The following MYO3B variants were observed in gnomAD, a reference collection of about 807,000 sequenced individuals.
MYO3B encodes the protein myosin IIIB.
MYO3B carries 156 observed loss-of-function variants against 174.6 expected under a neutral mutation model. The observed-to-expected ratio is 0.89, with a 90% CI of 0.78 to 1.02. MYO3B has a LOEUF of 1.02. Among genes scored for constraint, MYO3B ranks in the 50% least tolerant of loss-of-function variants. The pLI is 0.00. For missense variants in MYO3B, 1,632 were observed against 1,639.4 expected, an observed-to-expected ratio of 1.00 and a Z score of 0.08; for synonymous variants, 563 against 569.1, an observed-to-expected ratio of 0.99 and a Z score of 0.15.
In MYO3B at chr2:170,645,468, C is replaced by CAA. The variant is rs55720994; in HGVS notation, c.3734-6138_3734-6137dup. ...TGGGTGACAGAGCAAGGCTCCGTCT[C>CAA]AAAAAAAAAAAAAAAAAAAAAAAGT... On this transcript the variant is annotated intron_variant, in intron 32 of 34. Transcript: ENST00000408978. 3.2e-3 allele frequency among the ~76,000 whole-genome samples: 206 copies of CAA among 64,868 alleles called. 1 individual carries two copies. Among genetic ancestry groups the CAA allele is most frequent in the Non-Finnish European group, 4.1e-3 (136 of 32,888 alleles). 42.6% of individuals were successfully genotyped at this position (64,868 alleles called of 152,430 possible).
intron 9 of MYO3B, among the ~76,000 whole-genome samples, chr2:170,376,019 A>G (rs2094290151): frequency 1.3e-5 from 2 of 152,202 alleles, no homozygotes; most frequent in Admixed American, 6.5e-5. Flanking sequence ...GAAGTTGGGT[A>G]TATCAAATAC....
At chr2:170,462,195 G>T (rs2105955951) in intron 23 of MYO3B, among the ~76,000 whole-genome samples, 1 of 152,230 alleles carries the variant, frequency 6.6e-6, no homozygotes, top group African/African-American at 2.4e-5. Flanking sequence ...TTATATCATT[G>T]TTTCAGCTGC....
chr2:170,611,867 C>T (rs996320471), intron 32 of MYO3B, among the ~76,000 whole-genome samples: 27 of 152,258 alleles, frequency 1.8e-4, no homozygotes, highest in African/African-American at 5.8e-4. Context: ...GTTTTTCCTC[C>T]TGTGTGGACC....
At chr2:170,191,417 CT>C (rs2092538841) in intron 1 of MYO3B, among the ~76,000 whole-genome samples, 1 of 152,052 alleles carries the variant, frequency 6.6e-6, no homozygotes, top group Admixed American at 6.6e-5. Context: ...GAATTGCAGT[CT>C]TTGTGGCCTA....
chr2:170,222,620 T>C (rs751450541), intron 6 of MYO3B, among the ~76,000 whole-genome samples: 48 of 152,306 alleles, frequency 3.2e-4, no homozygotes, highest in Non-Finnish European at 6.2e-4. Flanking sequence ...TGACTTCTTA[T>C]AAGAACACCA....
rs536403259 is a variant in MYO3B, at chr2:170,527,612, C to T, written c.3575+8072C>T. Among the ~76,000 whole-genome samples the T allele has an allele frequency of 2.6e-5, 4 of 152,302 alleles. No homozygotes were observed. The South Asian group carries it at 8.3e-4, about 32-fold the overall frequency. ...GAGTTTGATTCTCTCCCGCTGTCTG[C>T]AGAGCACCATCTAGGTAGAGGAAAC... On this transcript the variant is annotated intron_variant, in intron 30 of 34. Transcript: ENST00000408978.
intron 7 of MYO3B, among the ~76,000 whole-genome samples, chr2:170,331,383 G>T (rs538150336): frequency 1.3e-5 from 2 of 152,132 alleles, no homozygotes; most frequent in African/African-American, 4.8e-5. Flanking sequence ...TAAGGTAGAG[G>T]GAAGGAGAAA....
chr2:170,619,125 C>T lies in MYO3B; in HGVS notation c.3734-32503C>T, dbSNP rs188865038. Among the ~76,000 whole-genome samples, 200 of 152,232 alleles carry T rather than the reference C, an allele frequency of 1.3e-3. 1 individual carries two copies. Among genetic ancestry groups the T allele is most frequent in the Non-Finnish European group, 1.1e-3 (75 of 68,014 alleles). ...TAGAAGAGCTGTGGCAAGATGAGGG[C>T]GTTTCTAGCCCTATCTTATCCATAT... On this transcript the variant is annotated intron_variant, in intron 32 of 34. Coordinates refer to ENST00000408978, the MANE Select transcript of MYO3B (RefSeq NM_138995.5).
At chr2:170,273,719 C>A (rs1028881697) in intron 7 of MYO3B, among the ~76,000 whole-genome samples, 1 of 150,458 alleles carries the variant, frequency 6.6e-6, no homozygotes, top group Non-Finnish European at 1.5e-5. Context: ...CTCGGTGAAA[C>A]CTTCCTCAAA....
At chr2:170,498,338 C>A (rs952478592) in intron 25 of MYO3B, among the ~76,000 whole-genome samples, 5 of 151,998 alleles carry the variant, frequency 3.3e-5, no homozygotes, top group Non-Finnish European at 7.4e-5. Flanking sequence ...CACTAGACAC[C>A]AAGTATGCAC....
intron 8 of MYO3B, 47 bp from the exon 9 acceptor site, chr2:170,369,175 G>A (rs1237524904): frequency 6.4e-7 from 1 of 1,572,332 alleles, no homozygotes; most frequent in South Asian, 1.2e-5. Context: ...AGGGGAACAG[G>A]GTGTCTAAGA....
chr2:170,297,291 G>T (rs746994804), intron 7 of MYO3B, among the ~76,000 whole-genome samples: 1 of 150,464 alleles, frequency 6.6e-6, no homozygotes, highest in South Asian at 2.1e-4. Context: ...AAACATACCC[G>T]CTCCCAATGG....
rs55650568 is a variant in MYO3B, at chr2:170,539,925, A to G, written c.3576-2981A>G. 6.7e-3 allele frequency among the ~76,000 whole-genome samples: 1,020 copies of G among 152,166 alleles called. 12 individuals carry two copies. Among genetic ancestry groups the G allele is most frequent in the South Asian group, 0.024 (116 of 4,798 alleles). On this transcript the variant is annotated intron_variant, in intron 30 of 34. Coordinates refer to ENST00000408978, the MANE Select transcript of MYO3B (RefSeq NM_138995.5). ...GTGTGAGCCATCACACCCAGCAACA[A>G]TTGATAATTTTGGCCTGATAATTTC...
chr2:170,360,233 G>A (rs2094150883), intron 8 of MYO3B, among the ~76,000 whole-genome samples: 1 of 152,112 alleles, frequency 6.6e-6, no homozygotes, highest in Admixed American at 6.5e-5. Context: ...ATTTAATTCA[G>A]GGAAGGGTGG....
chr2:170,651,319 A>G (rs1018596426), intron 32 of MYO3B, among the ~76,000 whole-genome samples: 3 of 152,118 alleles, frequency 2.0e-5, no homozygotes, highest in Non-Finnish European at 4.4e-5. Context: ...AGGGCACCCT[A>G]CTCTATAAAT....
chr2:170,185,156 C>T (rs985105217), intron 1 of MYO3B, among the ~76,000 whole-genome samples: 1 of 151,982 alleles, frequency 6.6e-6, no homozygotes, highest in Non-Finnish European at 1.5e-5. Flanking sequence ...GTTTCCTTTG[C>T]TGTTCAGAAG....
rs1050298771 is a variant in MYO3B, at chr2:170,199,254, C to T, written c.49C>T (p.Leu17Phe). Residue 17 changes from leucine (L) to phenylalanine (F), a missense_variant, in exon 2 of 35, where the codon CTT (leucine) becomes TTT (phenylalanine). Leu to Phe is a conservative substitution (Grantham distance 22, BLOSUM62 0). Transcript: ENST00000408978. ...TCACTATAATCCTATGATGCTTGGACTTGAATCACTTCCAGATCCCACAGA... is the reference window on the plus strand; with the variant it reads ...TCACTATAATCCTATGATGCTTGGATTTGAATCACTTCCAGATCCCACAGA... ...LFHYNPMMLG[L>F]ESLPDPTDTW... The T allele has an allele frequency of 5.0e-6, 8 of 1,613,436 alleles. No individual in the cohort carries two copies. The highest frequency in any genetic ancestry group is 6.8e-6 in the Non-Finnish European group (8 of 1,179,612).
chr2:170,238,741 C>G (rs1486164683), intron 7 of MYO3B, among the ~76,000 whole-genome samples: 2 of 151,502 alleles, frequency 1.3e-5, no homozygotes, highest in Non-Finnish European at 2.9e-5. Flanking sequence ...TACCTGTGAG[C>G]CTCAGATGTC....
chr2:170,377,607 C>G (rs781133722), intron 9 of MYO3B, among the ~76,000 whole-genome samples: 1 of 152,206 alleles, frequency 6.6e-6, no homozygotes, highest in Non-Finnish European at 1.5e-5. Context: ...TCCCGCTCCA[C>G]TGCCACACCA....
Sources: allele counts gnomAD v4.1 joint callset (sites outside exome capture counted in the v4.1 genomes callset), GRCh38; gene constraint gnomAD v4.1.1; transcripts MANE v1.5; gene names NCBI Gene and HGNC (gene_info 2026-07-23, HGNC 2026-07-21).